Variants in TMEM229B observed in about 807,000 individuals in gnomAD.
TMEM229B encodes transmembrane protein 229B.
A neutral mutation model predicts 13.7 loss-of-function variants in TMEM229B; 6 were observed. The ratio of observed to expected loss-of-function variants is 0.44; its 90% CI spans 0.24 to 0.86. The LOEUF (loss-of-function observed/expected upper bound fraction) is 0.86. Among genes scored for constraint, TMEM229B ranks in the 40% least tolerant of loss-of-function variants. The probability of loss-of-function intolerance (pLI) is 0.23; values close to 1 mark genes in which losing one functional copy is unlikely to be tolerated. For missense variants in TMEM229B, 170 were observed against 236.0 expected (o/e 0.72, Z 1.83); for synonymous variants, 107 against 102.1 (o/e 1.05, Z -0.29).
rs2030893679 is a variant in TMEM229B at position 67,473,283 on chromosome 14, G to C, written c.*137C>G. 1 of 1,245,546 alleles carries C rather than the reference G, an allele frequency of 8.0e-7. No individual in the cohort carries two copies. Among genetic ancestry groups the C allele is most frequent in the Non-Finnish European group, 1.1e-6 (1 of 894,912 alleles). The allele number at this position is 1,245,546 out of a possible 1,614,324, so 77.2% of individuals were successfully genotyped here. On this transcript the variant is annotated 3_prime_UTR_variant, in exon 3 of 3. Coordinates refer to ENST00000554480, the MANE Select transcript of TMEM229B (RefSeq NM_001348543.2). The surrounding 1 kb of genome is among the most constrained non-coding windows in gnomAD (Gnocchi z 6.5). ...CAACACCGGCCCCCGCGGACGTTAG[G>C]GGGCTCTGTGTGCCCTATAGGGCTG... is the stretch of plus-strand genomic sequence containing the variant.
intron 1 of TMEM229B, among the ~76,000 whole-genome samples, chr14:67,532,431 A>G (rs1288510260): frequency 6.6e-6 from 1 of 152,178 alleles, no homozygotes; most frequent in Non-Finnish European, 1.5e-5. Flanking sequence ...CTCCAGGCTC[A>G]CCTAGCCAAA....
chr14:67,528,420 A>G (rs893647888), intron 1 of TMEM229B, among the ~76,000 whole-genome samples: 3 of 152,168 alleles, frequency 2.0e-5, no homozygotes, highest in Non-Finnish European at 4.4e-5. Context: ...GGGCTGTTGG[A>G]GAACCTGCCA....
intron 1 of TMEM229B, among the ~76,000 whole-genome samples, chr14:67,493,726 C>T (rs956598305): frequency 2.0e-5 from 3 of 151,988 alleles, no homozygotes; most frequent in African/African-American, 7.3e-5. Context: ...ATACATGCTC[C>T]AATCAGAGCC....
chr14:67,496,778 C>T (rs1001198843), intron 1 of TMEM229B, among the ~76,000 whole-genome samples: 3 of 96,924 alleles, frequency 3.1e-5, no homozygotes, highest in African/African-American at 1.0e-4. Flanking sequence ...TTCCTCCCTC[C>T]CTCATTTCTG....
intron 2 of TMEM229B, among the ~76,000 whole-genome samples, chr14:67,485,069 T>C (rs1006847365): frequency 4.6e-5 from 7 of 152,236 alleles, no homozygotes; most frequent in Non-Finnish European, 8.8e-5. Flanking sequence ...CTTTAATGCC[T>C]GTAATGGAAG....
intron 1 of TMEM229B, among the ~76,000 whole-genome samples, chr14:67,524,051 G>A (rs111492871): frequency 2.0e-5 from 3 of 152,212 alleles, no homozygotes; most frequent in African/African-American, 7.2e-5. Flanking sequence ...AAAGGAACTG[G>A]CCGCTCAGAG....
upstream of TMEM229B, among the ~76,000 whole-genome samples, chr14:67,519,530 C>T (rs770689449): frequency 2.8e-4 from 43 of 152,066 alleles, no homozygotes; most frequent in African/African-American, 7.0e-4. Context: ...AGGGTCCATC[C>T]GGATACTCTG....
Position 67,480,512 on chromosome 14 carries a change from A to G in TMEM229B, c.-19+6488T>C, listed in dbSNP as rs551975814. On this transcript the variant is annotated intron_variant, in intron 2 of 2. Transcript: ENST00000554480. ...AAGGGGCACAGCCTCTCACCCCCTC[A>G]TTTAACCTCCTACCCCCGGGCAGGA... 5.3e-5 allele frequency among the ~76,000 whole-genome samples: 8 copies of G among 152,254 alleles called. No homozygotes were observed. The East Asian group carries it at 1.5e-3, about 29-fold the overall frequency.
upstream of TMEM229B, among the ~76,000 whole-genome samples, chr14:67,517,502 A>G (rs1214794469): frequency 2.0e-5 from 3 of 152,194 alleles, no homozygotes; most frequent in African/African-American, 7.2e-5. Context: ...TTAATATATA[A>G]TATTAATATT....
At chr14:67,486,901 T>A (rs1405014060) in intron 2 of TMEM229B, 99 bp downstream of exon 2, 1 of 151,982 alleles carries the variant, frequency 6.6e-6, no homozygotes, top group East Asian at 1.9e-4. Context: ...GGGAACAGAC[T>A]CAGAACTAGA....
At chr14:67,508,559 A>G (rs1309291545) in intron 1 of TMEM229B, among the ~76,000 whole-genome samples, 1 of 151,302 alleles carries the variant, frequency 6.6e-6, no homozygotes, top group Admixed American at 6.6e-5. Flanking sequence ...CACCACCTTA[A>G]CCCTCATTCC....
chr14:67,490,476 G>T (rs1394480454), upstream of TMEM229B, among the ~76,000 whole-genome samples: 1 of 152,206 alleles, frequency 6.6e-6, no homozygotes, highest in African/African-American at 2.4e-5. Flanking sequence ...TCAGGTCAGA[G>T]AATAACAACT....
chr14:67,515,463 G>A, upstream of TMEM229B: 1 of 169,226 alleles, frequency 5.9e-6, no homozygotes, highest in Non-Finnish European at 1.2e-5. Context: ...CGGATGCGCT[G>A]CAAACTGCAC....
At chr14:67,478,479 CTTCT>C (rs2031366902) in intron 2 of TMEM229B, among the ~76,000 whole-genome samples, 1 of 152,236 alleles carries the variant, frequency 6.6e-6, no homozygotes, top group African/African-American at 2.4e-5. Context: ...TGCCTTCTTC[CTTCT>C]AATTCACTCA....
intron 1 of TMEM229B, among the ~76,000 whole-genome samples, chr14:67,496,311 T>G (rs767758511): frequency 2.6e-4 from 40 of 151,162 alleles, no homozygotes; most frequent in Admixed American, 5.3e-4. Context: ...CAGGCTGGTC[T>G]CAAATTCCTG....
At chr14:67,527,919 G>A (rs1399490330) in intron 1 of TMEM229B, among the ~76,000 whole-genome samples, 1 of 152,182 alleles carries the variant, frequency 6.6e-6, no homozygotes, top group East Asian at 1.9e-4. Context: ...TTTGAGGAGG[G>A]GAGGTCAAGG....
At chr14:67,524,035 G>A (rs1473550290) in intron 1 of TMEM229B, among the ~76,000 whole-genome samples, 2 of 152,178 alleles carry the variant, frequency 1.3e-5, no homozygotes, top group Non-Finnish European at 2.9e-5. Flanking sequence ...GAGTGGATAG[G>A]CTAAGAAAGG....
In TMEM229B at chr14:67,473,986, C is replaced by T. The variant is rs2478034; in HGVS notation, c.-18-45G>A. The T allele has an allele frequency of 4.0e-6, 6 of 1,511,518 alleles. No individual in the cohort carries two copies. The highest frequency in any genetic ancestry group is 1.4e-5 in the African/African-American group (1 of 72,428). The allele number at this position is 1,511,518 out of a possible 1,614,324, so 93.6% of individuals were successfully genotyped here. On this transcript the variant is annotated intron_variant, in intron 2 of 2. Coordinates refer to ENST00000554480, the MANE Select transcript of TMEM229B (RefSeq NM_001348543.2). This position sits in a 1 kb window ranked among gnomAD's most constrained non-coding sequence, Gnocchi z 6.5. Reference sequence around the variant, plus strand: ...GACAGGTGAGGGCCGGGCGCGGTGGCTCACGCCTATAATCCCTGCGCTTTG... The same window carrying T: ...GACAGGTGAGGGCCGGGCGCGGTGGTTCACGCCTATAATCCCTGCGCTTTG...
chr14:67,498,168 C>A (rs1215746904), intron 1 of TMEM229B, among the ~76,000 whole-genome samples: 1 of 152,150 alleles, frequency 6.6e-6, no homozygotes, highest in African/African-American at 2.4e-5. Flanking sequence ...AATCTCTGTT[C>A]CCGATCCATT....
Sources: allele counts gnomAD v4.1 joint callset (sites outside exome capture counted in the v4.1 genomes callset), GRCh38; gene constraint gnomAD v4.1.1; non-coding constraint Gnocchi (gnomAD v3.1); transcripts MANE v1.5; gene names NCBI Gene and HGNC (gene_info 2026-07-23, HGNC 2026-07-21).